Variants in HS6ST3 observed in about 807,000 individuals in gnomAD.
HS6ST3 encodes the protein heparan sulfate 6-O-sulfotransferase 3, also known as heparan-sulfate 6-O-sulfotransferase 3.
HS6ST3 carries 12 observed loss-of-function variants against 36.7 expected under a neutral mutation model. The ratio of observed to expected loss-of-function variants is 0.33; its 90% CI spans 0.21 to 0.53. The LOEUF is 0.53. Among genes scored for constraint, HS6ST3 ranks in the 20% least tolerant of loss-of-function variants. The pLI, the probability that HS6ST3 is intolerant of heterozygous loss-of-function variation, is 0.95. For synonymous variants in HS6ST3, 240 were observed against 257.5 expected, an observed-to-expected ratio of 0.93 and a Z score of 0.65; for missense variants, 584 against 640.9, an observed-to-expected ratio of 0.91 and a Z score of 0.96.
intron 1 of HS6ST3, among the ~76,000 whole-genome samples, chr13:96,662,056 C>T (rs1156831549): frequency 6.6e-6 from 1 of 152,104 alleles, no homozygotes; most frequent in Non-Finnish European, 1.5e-5. Context: ...CTTTGAATAG[C>T]CTGTTAACTG....
intron 1 of HS6ST3, among the ~76,000 whole-genome samples, chr13:96,662,278 G>T (rs760121175): frequency 6.6e-6 from 1 of 152,052 alleles, no homozygotes; most frequent in Non-Finnish European, 1.5e-5. Context: ...ATTTCTTGAA[G>T]CCTTTGTTCA....
intron 1 of HS6ST3, among the ~76,000 whole-genome samples, chr13:96,555,745 T>G (rs1177567530): frequency 6.6e-6 from 1 of 152,110 alleles, no homozygotes; most frequent in Non-Finnish European, 1.5e-5. Context: ...TGATCTGTAA[T>G]TTGTAGACGT....
chr13:96,475,492 C>T (rs2055859160), intron 1 of HS6ST3, among the ~76,000 whole-genome samples: 1 of 151,814 alleles, frequency 6.6e-6, no homozygotes, highest in South Asian at 2.1e-4. Context: ...TCTTTTATTT[C>T]CCTGGAAACG....
chr13:96,634,700 C>T (rs1451916496), intron 1 of HS6ST3, among the ~76,000 whole-genome samples: 1 of 152,168 alleles, frequency 6.6e-6, no homozygotes, highest in Admixed American at 6.5e-5. Context: ...CGGGAACTCT[C>T]ATTCTGTCTC....
chr13:96,832,739 G>C lies in HS6ST3; in HGVS notation c.957G>C (p.Leu319=), dbSNP rs1160494094. Residue 319 remains leucine (L), a synonymous_variant, in exon 2 of 2, where the codon CTG becomes CTC. Transcript: ENST00000376705. ...RQVRMLADLS[L]VGCYNLTFMN... ...TGCGCATGCTGGCTGACCTCAGCCT[G>C]GTGGGCTGCTATAACTTGACTTTCA... The C allele has an allele frequency of 1.2e-6, 2 of 1,614,014 alleles. No homozygotes were observed. Among genetic ancestry groups the C allele is most frequent in the African/African-American group, 1.3e-5 (1 of 74,908 alleles).
intron 1 of HS6ST3, among the ~76,000 whole-genome samples, chr13:96,138,770 T>C (rs1171247810): frequency 1.3e-5 from 2 of 152,034 alleles, no homozygotes; most frequent in Non-Finnish European, 1.5e-5. Context: ...GAAAAATAAT[T>C]ACATGGGAAG....
At chr13:96,157,325 G>A (rs770794049) in intron 1 of HS6ST3, among the ~76,000 whole-genome samples, 38 of 152,254 alleles carry the variant, frequency 2.5e-4, no homozygotes, top group Non-Finnish European at 4.6e-4. Flanking sequence ...ATTCCCTAAA[G>A]TTTAGAAATG....
intron 1 of HS6ST3, among the ~76,000 whole-genome samples, chr13:96,478,210 G>A: frequency 6.6e-6 from 1 of 152,168 alleles, no homozygotes; most frequent in East Asian, 1.9e-4. Context: ...CTGAAATTAA[G>A]ACTTAGTAAT....
intron 1 of HS6ST3, among the ~76,000 whole-genome samples, chr13:96,391,316 C>T (rs149529342): frequency 4.1e-4 from 63 of 152,252 alleles, no homozygotes; most frequent in Non-Finnish European, 7.5e-4. Context: ...AGTTGATCCT[C>T]ATTATTCAGA....
At chr13:96,722,315 G>A (rs1015751195) in intron 1 of HS6ST3, among the ~76,000 whole-genome samples, 1 of 152,034 alleles carries the variant, frequency 6.6e-6, no homozygotes, top group Non-Finnish European at 1.5e-5. Flanking sequence ...GTTTTCACTG[G>A]CAAAGCCAAA....
chr13:96,338,707 A>G (rs2139424864), intron 1 of HS6ST3, among the ~76,000 whole-genome samples: 1 of 152,156 alleles, frequency 6.6e-6, no homozygotes, highest in South Asian at 2.1e-4. Flanking sequence ...CTCTTGTGTC[A>G]GTTATACCAG....
At chr13:96,108,187 A>T (rs778722855) in intron 1 of HS6ST3, among the ~76,000 whole-genome samples, 1 of 152,122 alleles carries the variant, frequency 6.6e-6, no homozygotes, top group Non-Finnish European at 1.5e-5. Flanking sequence ...TCCCAGGGGG[A>T]GGCCTCAAAA....
chr13:96,512,215 A>G (rs1281746411), intron 1 of HS6ST3, among the ~76,000 whole-genome samples: 1 of 152,172 alleles, frequency 6.6e-6, no homozygotes, highest in Admixed American at 6.5e-5. Context: ...AATGTCTGCA[A>G]GAACATTCTC....
intron 1 of HS6ST3, among the ~76,000 whole-genome samples, chr13:96,530,144 C>G (rs1049457906): frequency 6.1e-5 from 9 of 147,026 alleles, no homozygotes; most frequent in African/African-American, 2.2e-4. Flanking sequence ...GGACCAACTG[C>G]ATAGGATTTC....
chr13:96,720,219 GT>G (rs762484810), intron 1 of HS6ST3, among the ~76,000 whole-genome samples: 7 of 152,078 alleles, frequency 4.6e-5, no homozygotes, highest in Non-Finnish European at 1.0e-4. Flanking sequence ...AAAGAATTTG[GT>G]TTGTTTGTGT....
intron 1 of HS6ST3, among the ~76,000 whole-genome samples, chr13:96,149,169 C>A (rs1449891467): frequency 1.3e-5 from 2 of 152,088 alleles, no homozygotes; most frequent in East Asian, 3.9e-4. Flanking sequence ...ATAACTTTCA[C>A]ATTAGAACGC....
chr13:96,507,171 G>C (rs936658707), intron 1 of HS6ST3, among the ~76,000 whole-genome samples: 12 of 152,144 alleles, frequency 7.9e-5, no homozygotes, highest in African/African-American at 2.9e-4. Context: ...CTACAGATAT[G>C]AAGGACAGCC....
intron 1 of HS6ST3, among the ~76,000 whole-genome samples, chr13:96,622,948 C>G (rs1312366017): frequency 1.3e-5 from 2 of 152,144 alleles, no homozygotes; most frequent in Non-Finnish European, 2.9e-5. Flanking sequence ...TAATATCACT[C>G]ATGCTTTTTA....
At chr13:96,459,881 C>T (rs1481563591) in intron 1 of HS6ST3, among the ~76,000 whole-genome samples, 1 of 152,110 alleles carries the variant, frequency 6.6e-6, no homozygotes, top group African/African-American at 2.4e-5. Context: ...TTGTAGACCA[C>T]CATTTAAAAT....
Sources: allele counts gnomAD v4.1 joint callset (sites outside exome capture counted in the v4.1 genomes callset), GRCh38; gene constraint gnomAD v4.1.1; transcripts MANE v1.5; gene names NCBI Gene and HGNC (gene_info 2026-07-23, HGNC 2026-07-21).